Variants in E2F4 observed in about 807,000 individuals in gnomAD.
E2F4 encodes the protein transcription factor E2F4.
E2F4 carries 16 observed loss-of-function variants against 44.5 expected under a neutral mutation model. The observed-to-expected ratio is 0.36, with a 90% CI of 0.24 to 0.55. The LOEUF is 0.55. Among genes scored for constraint, E2F4 ranks in the 20% least tolerant of loss-of-function variants. The pLI, the probability that E2F4 is intolerant of heterozygous loss-of-function variation, is 0.87. For missense variants in E2F4, 473 were observed against 522.1 expected (o/e 0.91, Z 0.92); for synonymous variants, 242 against 207.2 (o/e 1.17, Z -1.44).
At chr16:67,196,104 C>A in intron 7 of E2F4, 98 bp downstream of exon 7, 1 of 1,552,262 alleles carries the variant, frequency 6.4e-7, no homozygotes, top group Non-Finnish European at 8.8e-7. Flanking sequence ...GATCTCCTGT[C>A]AACCCTGCTG....
intron 6 of E2F4, chr16:67,195,513 C>G (rs1410709137): frequency 1.7e-6 from 1 of 590,658 alleles, no homozygotes; most frequent in South Asian, 2.1e-5. Flanking sequence ...GATCCACATC[C>G]ACTGGTGTCT....
chr16:67,195,865 C>T lies in E2F4; in HGVS notation c.892C>T (p.Pro298Ser). The T allele has an allele frequency of 6.2e-7, 1 of 1,614,068 alleles. No individual in the cohort carries two copies. The highest frequency in any genetic ancestry group is 8.5e-7 in the Non-Finnish European group (1 of 1,180,004). The part of the protein sequence containing the change: ...PLGPTTLDTR[P>S]LQSSALLDSS... ...GGGCCCAACAACACTGGACACCCGG[C>T]CACTGCAGTCTTCTGCCCTGCTGGA... The change falls in exon 7 of 10, where the codon CCA becomes TCA. Residue 298 changes from proline (P) to serine (S), a missense_variant. Physicochemically the swap from Pro to Ser is moderately conservative, Grantham distance 74. Transcript: ENST00000379378.
Position 67,198,143 on chromosome 16 carries a change from T to C in E2F4, c.*20T>C, listed in dbSNP as rs2033003785. 1.2e-6 allele frequency: 2 copies of C among 1,608,370 alleles called. No individual in the cohort carries two copies. The highest frequency in any genetic ancestry group is 1.7e-6 in the Non-Finnish European group (2 of 1,175,834). ...CTCTGACTGACAGGGACATGCCCTG[T>C]GTGGCTGGGACCCAGACTGTCTGAC... On this transcript the variant is annotated 3_prime_UTR_variant, in exon 10 of 10. Coordinates refer to ENST00000379378, the MANE Select transcript of E2F4 (RefSeq NM_001950.4).
chr16:67,193,424 T>C, intron 3 of E2F4, 48 bp from the exon 4 acceptor site: 1 of 1,611,366 alleles, frequency 6.2e-7, no homozygotes, highest in Non-Finnish European at 8.5e-7. Context: ...TTCTGTAGTC[T>C]GCCATCTGTC....
At position 67,197,665 on chromosome 16, in the gene E2F4, C is replaced by T. The variant is rs1158221393; in HGVS notation, c.1081+19C>T. On this transcript the variant is annotated intron_variant, in intron 8 of 9. Transcript: ENST00000379378. ...ACACGAGGTAGGCTGCTGCATTCCT[C>T]CCTGAGGCTAGGGGTAAGGGACACA... 2 of 1,613,832 alleles carry T rather than the reference C, an allele frequency of 1.2e-6. No homozygotes were observed. Among genetic ancestry groups the T allele is most frequent in the Non-Finnish European group, 1.7e-6 (2 of 1,179,908 alleles).
chr16:67,192,525 G>T (rs1597274457), intron 1 of E2F4, 163 bp downstream of exon 1: 1 of 1,143,578 alleles, frequency 8.7e-7, no homozygotes, highest in Non-Finnish European at 1.2e-6. Context: ...TTCGGCCGAG[G>T]CCATCGAGCT....
At chr16:67,193,657 TTCTG>T (rs1401395528) in intron 4 of E2F4, 142 bp downstream of exon 4, 2 of 909,324 alleles carry the variant, frequency 2.2e-6, no homozygotes, top group East Asian at 2.5e-5. Context: ...AGGGTAAGTC[TTCTG>T]TCTGAGTGTC....
chr16:67,193,064 A>G lies in E2F4; in HGVS notation c.301A>G (p.Lys101Glu). 1.3e-6 allele frequency: 2 copies of G among 1,570,770 alleles called. No homozygotes were observed. Among genetic ancestry groups the G allele is most frequent in the Non-Finnish European group, 1.7e-6 (2 of 1,157,372 alleles). The change falls in exon 3 of 10, where the codon AAG becomes GAG. Residue 101 changes from lysine (K) to glutamate (E), a missense_variant. Physicochemically the swap from Lys to Glu is moderately conservative, Grantham distance 56 (BLOSUM62 1). This residue lies in a region of E2F4 where 119 missense variants were observed against 175.6 expected (regional missense o/e 0.68). Coordinates refer to ENST00000379378, the MANE Select transcript of E2F4 (RefSeq NM_001950.4). ...GATTGCTGACAAACTGATTGAGCTCAAGGCAGAGATCGAGGAGCTGCAGCA... is the reference window on the plus strand; with the variant it reads ...GATTGCTGACAAACTGATTGAGCTCGAGGCAGAGATCGAGGAGCTGCAGCA... ...REIADKLIEL[K>E]AEIEELQQRE...
chr16:67,195,622 T>A (rs928994801), intron 6 of E2F4, 160 bp from the exon 7 acceptor site: 1 of 1,443,256 alleles, frequency 6.9e-7, no homozygotes, highest in Admixed American at 2.2e-5. Flanking sequence ...CTGTGGTGAC[T>A]AATTTCAGGT....
At chr16:67,196,837 GT>G (rs2032977242) in intron 7 of E2F4, among the ~76,000 whole-genome samples, 2 of 152,060 alleles carry the variant, frequency 1.3e-5, no homozygotes, top group Admixed American at 1.3e-4. Flanking sequence ...TCTAGTTCTA[GT>G]TCCTTATCCC....
intron 5 of E2F4, 101 bp downstream of exon 5, chr16:67,194,560 TG>T (rs2032937141): frequency 1.3e-6 from 2 of 1,576,622 alleles, no homozygotes; most frequent in African/African-American, 1.3e-5. Flanking sequence ...GCCTGGAGTT[TG>T]GGGTTATCTA....
intron 8 of E2F4, 42 bp downstream of exon 8, chr16:67,197,688 A>G (rs1468544822): frequency 3.1e-6 from 5 of 1,609,036 alleles, no homozygotes; most frequent in Non-Finnish European, 4.3e-6. Context: ...GGTAAGGGAC[A>G]CAGCTCATTG....
chr16:67,195,700 C>T (rs1172542115), intron 6 of E2F4, 82 bp from the exon 7 acceptor site: 1 of 1,588,588 alleles, frequency 6.3e-7, no homozygotes, highest in South Asian at 1.1e-5. Flanking sequence ...TTGTGGTCCT[C>T]CTGTGTCTGG....
At position 67,192,342 on chromosome 16, in the gene E2F4, G is replaced by A; in HGVS notation, c.115G>A (p.Gly39Ser). The change falls in exon 1 of 10, where the codon GGC (glycine) becomes AGC (serine). Residue 39 changes from glycine (G) to serine (S), a missense_variant. Gly to Ser is a moderately conservative substitution (Grantham distance 56). Coordinates refer to ENST00000379378, the MANE Select transcript of E2F4 (RefSeq NM_001950.4). ...GTCCCTTCTGCAGGAGGCCAAGGACGGCGTGCTTGACCTCAAGCTGGTGCG... is the reference window on the plus strand; with the variant it reads ...GTCCCTTCTGCAGGAGGCCAAGGACAGCGTGCTTGACCTCAAGCTGGTGCG... ...FVSLLQEAKD[G>S]VLDLKLAADT... The A allele has an allele frequency of 1.4e-6, 2 of 1,415,066 alleles. No homozygotes were observed. 87.7% of individuals were successfully genotyped at this position (1,415,066 alleles called of 1,614,324 possible).
In E2F4 at chr16:67,198,180, C is replaced by G. The variant is rs771881783; in HGVS notation, c.*57C>G. On this transcript the variant is annotated 3_prime_UTR_variant, in exon 10 of 10. Transcript: ENST00000379378. ...CCAGACTGTCTGACCTGGGGGTTGC[C>G]TGGGGACCTCTCCCACCCGACCCCT... 1 of 1,518,118 alleles carries G rather than the reference C, an allele frequency of 6.6e-7. No homozygotes were observed. The highest frequency in any genetic ancestry group is 9.1e-7 in the Non-Finnish European group (1 of 1,099,166). The allele number at this position is 1,518,118 out of a possible 1,614,324, so 94.0% of individuals were successfully genotyped here.
Position 67,198,836 on chromosome 16 carries a change from G to T in E2F4, c.*713G>T, listed in dbSNP as rs1450140373. ...AGTAACGAATGGATTCCTATATAAA[G>T]ATTATTTTTATACTTTTTGCAGCAA... On this transcript the variant is annotated 3_prime_UTR_variant, in exon 10 of 10. Coordinates refer to ENST00000379378, the MANE Select transcript of E2F4 (RefSeq NM_001950.4). 5.5e-6 allele frequency: 2 copies of T among 361,952 alleles called. No homozygotes were observed. Among genetic ancestry groups the T allele is most frequent in the Non-Finnish European group, 1.0e-5 (2 of 198,908 alleles). 22.4% of individuals were successfully genotyped at this position (361,952 alleles called of 1,614,324 possible).
Position 67,194,868 on chromosome 16 carries a change from C to T in E2F4, c.696C>T (p.Ala232=). ...VSTPPPLPKP[A]LAQSQEASRP... ...CACCTCCACCTCTGCCCAAGCCTGC[C>T]CTAGCCCAGTCCCAGGAAGCCTCAC... is the stretch of plus-strand genomic sequence containing the variant. Residue 232 remains alanine, a synonymous_variant, in exon 6 of 10, where the codon GCC becomes GCT. Coordinates refer to ENST00000379378, the MANE Select transcript of E2F4 (RefSeq NM_001950.4). 1 of 1,614,170 alleles carries T rather than the reference C, an allele frequency of 6.2e-7. No individual in the cohort carries two copies. Among genetic ancestry groups the T allele is most frequent in the Non-Finnish European group, 8.5e-7 (1 of 1,180,028 alleles).
intron 4 of E2F4, 190 bp from the exon 5 acceptor site, chr16:67,194,208 T>C: frequency 1.7e-6 from 1 of 595,370 alleles, no homozygotes; most frequent in East Asian, 2.9e-5. Context: ...CCAGATTTCC[T>C]GGTTACTGAC....
At chr16:67,193,338 T>C in intron 3 of E2F4, 134 bp from the exon 4 acceptor site, 1 of 1,484,472 alleles carries the variant, frequency 6.7e-7, no homozygotes, top group Non-Finnish European at 9.4e-7. Flanking sequence ...CTGTGATCCC[T>C]CCCCCGGTGG....
Sources: allele counts gnomAD v4.1 joint callset (sites outside exome capture counted in the v4.1 genomes callset), GRCh38; gene constraint gnomAD v4.1.1; regional missense constraint gnomAD v4.1.1; transcripts MANE v1.5; gene names NCBI Gene and HGNC (gene_info 2026-07-23, HGNC 2026-07-21).